MLH3: variants seen among roughly 807,000 people sequenced by gnomAD.
MLH3 encodes mutL homolog 3.
Under a neutral mutation model 122.2 loss-of-function variants are expected in MLH3, and 82 were observed. That is an observed-to-expected ratio of 0.67 (90% CI 0.56 to 0.81). MLH3 has a LOEUF of 0.81. MLH3 is among the 30% of genes least tolerant of loss of function. The probability of loss-of-function intolerance (pLI) is 0.00; values close to 1 mark genes in which losing one functional copy is unlikely to be tolerated. For synonymous variants in MLH3, 524 were observed against 599.5 expected, an observed-to-expected ratio of 0.87 and a Z score of 1.84; for missense variants, 1,539 against 1,714.5, an observed-to-expected ratio of 0.90 and a Z score of 1.81.
chr14:75,032,256 T>C, intron 7 of MLH3, 77 bp from the exon 8 acceptor site: 2 of 872,216 alleles, frequency 2.3e-6, no homozygotes, highest in South Asian at 1.3e-5. Flanking sequence ...AGCACGGCCT[T>C]GAGATAATCA....
At chr14:75,017,704 T>C (rs1479881067) in intron 12 of MLH3, among the ~76,000 whole-genome samples, 4 of 152,186 alleles carry the variant, frequency 2.6e-5, no homozygotes, top group South Asian at 4.1e-4. Context: ...CTCTCAGCAA[T>C]GGAGAAAAAC....
In MLH3 at chr14:75,032,054, A is replaced by C; in HGVS notation, c.3827+14T>G. On this transcript the variant is annotated intron_variant, in intron 8 of 12. Coordinates refer to ENST00000355774, the MANE Select transcript of MLH3 (RefSeq NM_001040108.2). ...TTGATACCATCAACATCACATTCTC[A>C]TGGTGGTACTGACCATAAGAGTCTC... is the stretch of plus-strand genomic sequence containing the variant. 2.1e-6 allele frequency: 3 copies of C among 1,400,108 alleles called. No homozygotes were observed. The highest frequency in any genetic ancestry group is 3.0e-6 in the Non-Finnish European group (3 of 984,556). 86.7% of individuals were successfully genotyped at this position (1,400,108 alleles called of 1,614,324 possible).
Position 75,025,113 on chromosome 14 carries a change from T to G in MLH3, c.3988-2095A>C, listed in dbSNP as rs1424655937. Among the ~76,000 whole-genome samples the G allele has an allele frequency of 7.9e-5, 12 of 152,326 alleles. No individual in the cohort carries two copies. The South Asian group carries it at 1.5e-3, about 18-fold the overall frequency. On this transcript the variant is annotated intron_variant, in intron 9 of 12. Transcript: ENST00000355774. ...CTTGGCCTGCAAACCTGCTTACGTCTTTTTTGTCTTAAAGCAAACAAACAC... is the reference window on the plus strand; with the variant it reads ...CTTGGCCTGCAAACCTGCTTACGTCGTTTTTGTCTTAAAGCAAACAAACAC...
chr14:75,044,726 G>C (rs1892095940), intron 2 of MLH3, among the ~76,000 whole-genome samples: 1 of 151,990 alleles, frequency 6.6e-6, no homozygotes, highest in Non-Finnish European at 1.5e-5. Context: ...GAAAAGTAAA[G>C]GTTTCATTTA....
intron 9 of MLH3, among the ~76,000 whole-genome samples, chr14:75,027,663 G>GT (rs1283738184): frequency 1.0e-3 from 13 of 12,994 alleles, no homozygotes; most frequent in Non-Finnish European, 1.6e-3. Flanking sequence ...ATTTACTTCA[G>GT]TAAAAAAAAA....
chr14:75,048,720 G>C lies in MLH3; in HGVS notation c.936C>G (p.Cys312Trp), dbSNP rs2139593879. 1 of 1,614,092 alleles carries C rather than the reference G, an allele frequency of 6.2e-7. No individual in the cohort carries two copies. The highest frequency in any genetic ancestry group is 1.1e-5 in the South Asian group (1 of 91,064). Reference sequence around the variant, plus strand: ...TGCACACATCATACTCACAGAATTGGCACTGCACATTAATTACATATATGC... The same window carrying C: ...TGCACACATCATACTCACAGAATTGCCACTGCACATTAATTACATATATGC... ...LYGIYVINVQ[C>W]QFCEYDVCME... The change falls in exon 2 of 13, where the codon TGC (cysteine) becomes TGG (tryptophan). Residue 312 changes from cysteine to tryptophan, a missense_variant. By Grantham distance (215) the Cys-to-Trp change is radical. Transcript: ENST00000355774.
At position 75,047,021 on chromosome 14, in the gene MLH3, T is replaced by C; in HGVS notation, c.2635A>G (p.Arg879Gly). 6.2e-7 allele frequency: 1 copy of C among 1,614,216 alleles called. No homozygotes were observed. Among genetic ancestry groups the C allele is most frequent in the Non-Finnish European group, 8.5e-7 (1 of 1,180,030 alleles). ...SSESLASKLS[R>G]LKGSERETQT... is the part of the protein sequence containing the mutation. Reference sequence around the variant, plus strand: ...GTTTCTCTTTCGGAACCCTTCAGTCTGGATAATTTAGAGGCTAGTGATTCA... The same window carrying C: ...GTTTCTCTTTCGGAACCCTTCAGTCCGGATAATTTAGAGGCTAGTGATTCA... Residue 879 changes from arginine to glycine, a missense_variant, in exon 2 of 13, where the codon AGA becomes GGA. Physicochemically the swap from Arg to Gly is moderately radical, Grantham distance 125. Transcript: ENST00000355774.
At chr14:75,018,721 TCTC>T in intron 12 of MLH3, 105 bp downstream of exon 12, 3 of 1,322,620 alleles carry the variant, frequency 2.3e-6, no homozygotes, top group South Asian at 1.2e-5. Context: ...TTTGCAAAAC[TCTC>T]CTATTTTGGA....
chr14:75,039,055 CACCGTGT>C (rs1325003580), intron 5 of MLH3, among the ~76,000 whole-genome samples: 1 of 152,154 alleles, frequency 6.6e-6, no homozygotes, highest in East Asian at 1.9e-4. Context: ...GACGGGGTTT[CACCGTGT>C]TAGCCAGGAT....
chr14:75,024,195 T>G (rs111538783), intron 9 of MLH3, among the ~76,000 whole-genome samples: 8 of 152,326 alleles, frequency 5.3e-5, no homozygotes, highest in African/African-American at 1.4e-4. Context: ...TATTTATTTA[T>G]TTAGTTAGTT....
rs761342748 is a variant in MLH3 at position 75,047,625 on chromosome 14, C to T, written c.2031G>A (p.Thr677=). 1.8e-5 allele frequency: 29 copies of T among 1,613,836 alleles called. No homozygotes were observed. The highest frequency in any genetic ancestry group is 5.0e-5 in the Admixed American group (3 of 59,986). The change falls in exon 2 of 13, where the codon ACG becomes ACA. Residue 677 remains threonine (T), a synonymous_variant. Transcript: ENST00000355774. ...GQLPNKKNCR[T]NISYGLENEP... ...CATTCTCTAGCCCATAACTTATATTCGTTCTGCAATTTTTTTTGTTGGGCA... is the reference window on the plus strand; with the variant it reads ...CATTCTCTAGCCCATAACTTATATTTGTTCTGCAATTTTTTTTGTTGGGCA...
Position 75,048,310 on chromosome 14 carries a change from C to T in MLH3, c.1346G>A (p.Gly449Asp), listed in dbSNP as rs1179055360. The T allele has an allele frequency of 6.2e-7, 1 of 1,613,906 alleles. No homozygotes were observed. Among genetic ancestry groups the T allele is most frequent in the Non-Finnish European group, 8.5e-7 (1 of 1,180,030 alleles). ...AGATGGCTCTGTCATTTTGCTATGGCCTGGACCACCTGATTCATAAATGTA... is the reference window on the plus strand; with the variant it reads ...AGATGGCTCTGTCATTTTGCTATGGTCTGGACCACCTGATTCATAAATGTA... ...FLYIYESGGP[G>D]HSKMTEPSLQ... The change falls in exon 2 of 13, where the codon GGC (glycine) becomes GAC (aspartate). Residue 449 changes from glycine to aspartate, a missense_variant. Physicochemically the swap from Gly to Asp is moderately conservative, Grantham distance 94. Transcript: ENST00000355774.
intron 5 of MLH3, among the ~76,000 whole-genome samples, chr14:75,039,674 C>G (rs1224782965): frequency 6.6e-6 from 1 of 151,586 alleles, no homozygotes; most frequent in East Asian, 1.9e-4. Context: ...CCCTCCAAAC[C>G]TACTTACACT....
intron 2 of MLH3, among the ~76,000 whole-genome samples, chr14:75,045,447 G>C (rs1215541294): frequency 1.3e-5 from 2 of 152,224 alleles, no homozygotes; most frequent in Admixed American, 1.3e-4. Context: ...GTATAGTCAT[G>C]AAAGTATATA....
In MLH3 at chr14:75,046,425, A is replaced by T; in HGVS notation, c.3231T>A (p.Ala1077=). The change falls in exon 2 of 13, where the codon GCT becomes GCA. Residue 1077 remains alanine, a synonymous_variant. Transcript: ENST00000355774. ...FIAPTEDIQA[A]CTKDLTTVAV... ...CCACAGTTGTCAGGTCTTTAGTACA[A>T]GCAGCCTGAATGTCCTCAGTTGGGG... The T allele has an allele frequency of 6.2e-7, 1 of 1,614,208 alleles. No individual in the cohort carries two copies. The highest frequency in any genetic ancestry group is 8.5e-7 in the Non-Finnish European group (1 of 1,180,010).
intron 9 of MLH3, among the ~76,000 whole-genome samples, chr14:75,024,888 TCTAACAGATC>T (rs1168604087): frequency 3.1e-4 from 47 of 152,326 alleles, no homozygotes; most frequent in African/African-American, 9.9e-4. Context: ...AATAAAAGAC[TCTAACAGATC>T]CTATCTTTTG....
chr14:75,040,285 TA>T (rs1891747436), intron 4 of MLH3, among the ~76,000 whole-genome samples: 2 of 150,800 alleles, frequency 1.3e-5, no homozygotes, highest in African/African-American at 4.9e-5. Flanking sequence ...CCATCTCTAC[TA>T]AAAAATACAA....
At chr14:75,042,936 C>T (rs531422306) in intron 2 of MLH3, among the ~76,000 whole-genome samples, 22 of 152,070 alleles carry the variant, frequency 1.4e-4, no homozygotes, top group Admixed American at 1.4e-3. Context: ...TCACCACACC[C>T]GGCTAATTTT....
In MLH3 at chr14:75,048,770, G is replaced by GC; in HGVS notation, c.885dup (p.His296AlafsTer14). 6.2e-7 allele frequency: 1 copy of GC among 1,614,110 alleles called. No individual in the cohort carries two copies. Among genetic ancestry groups the GC allele is most frequent in the Non-Finnish European group, 8.5e-7 (1 of 1,180,010 alleles). ...CCATAGAGTTCTGGGGTAGACCGGT[G>GC]CCGAAGACTTGAATTCATTTGCCTA... On this transcript the variant is annotated frameshift_variant, in exon 2 of 13. Coordinates refer to ENST00000355774, the MANE Select transcript of MLH3 (RefSeq NM_001040108.2). LOFTEE classifies it high-confidence loss of function.
Sources: gnomAD v4.1 joint callset for allele counts (sites outside exome capture counted in the v4.1 genomes callset) on GRCh38, gnomAD v4.1.1 for gene constraint, MANE v1.5 for transcripts, NCBI Gene and HGNC (gene_info 2026-07-23, HGNC 2026-07-21) for gene names.